Variants in FKBP1B observed in about 807,000 individuals in gnomAD.
The protein encoded by FKBP1B is FKBP prolyl isomerase 1B.
FKBP1B carries 4 observed loss-of-function variants against 13.5 expected under a neutral mutation model. The observed-to-expected ratio is 0.30, with a 90% CI of 0.15 to 0.68. The LOEUF is 0.68. FKBP1B is among the 30% of genes least tolerant of loss of function. The probability of loss-of-function intolerance (pLI) is 0.76; values close to 1 mark genes in which losing one functional copy is unlikely to be tolerated. For synonymous variants in FKBP1B, 54 were observed against 53.6 expected (o/e 1.01, Z -0.03); for missense variants, 93 against 136.2 (o/e 0.68, Z 1.58).
chr2:24,059,885 A>C (rs1360185167), intron 2 of FKBP1B, among the ~76,000 whole-genome samples: 2 of 125,238 alleles, frequency 1.6e-5, no homozygotes, highest in Non-Finnish European at 1.6e-5. Context: ...ACAGAGGGAG[A>C]CTCCGACTCA....
rs1664486758 is a variant in FKBP1B at position 24,063,317 on chromosome 2, A to G, written c.*125A>G. ...TGTGCTAACCTCACTGCCTCATGGC[A>G]TCATCCATTCTCTCTGCCCAAGTTG... On this transcript the variant is annotated 3_prime_UTR_variant, in exon 4 of 4. Transcript: ENST00000380986. 2 of 904,276 alleles carry G rather than the reference A, an allele frequency of 2.2e-6. No individual in the cohort carries two copies. Among genetic ancestry groups the G allele is most frequent in the Non-Finnish European group, 1.6e-6 (1 of 628,200 alleles). The allele number at this position is 904,276 out of a possible 1,614,324, so 56.0% of individuals were successfully genotyped here.
At chr2:24,051,971 C>T (rs546401555) in intron 1 of FKBP1B, among the ~76,000 whole-genome samples, 3 of 152,154 alleles carry the variant, frequency 2.0e-5, no homozygotes, top group Non-Finnish European at 4.4e-5. Flanking sequence ...GATTGCCACC[C>T]GCACAAATCT....
chr2:24,056,857 A>G (rs562014919), intron 2 of FKBP1B, among the ~76,000 whole-genome samples: 1 of 151,752 alleles, frequency 6.6e-6, no homozygotes, highest in South Asian at 2.1e-4. Flanking sequence ...TGCCCGGCTA[A>G]TTTTGAGGTT....
the FKBP1B span, chr2:24,038,360 G>A: frequency 6.2e-7 from 1 of 1,614,154 alleles, no homozygotes; most frequent in Non-Finnish European, 8.5e-7. Context: ...AATCGAATTT[G>A]CTGGATGTTT....
chr2:24,035,339 A>G, the FKBP1B span, among the ~76,000 whole-genome samples: 1 of 130,488 alleles, frequency 7.7e-6, no homozygotes, highest in Non-Finnish European at 1.7e-5. Flanking sequence ...AAAAGGGGAA[A>G]TAAAAATACA....
In FKBP1B at chr2:24,054,968, C is replaced by A. The variant is rs79226700; in HGVS notation, c.85+1019C>A. Among the ~76,000 whole-genome samples, 965 of 152,170 alleles carry A rather than the reference C, an allele frequency of 6.3e-3. 6 individuals are homozygous for A. Among genetic ancestry groups the A allele is most frequent in the African/African-American group, 0.019 (784 of 41,498 alleles). ...AGAGACTATGTCTTATCAAACATAG[C>A]GGGAGACTATGGGACTTTTGGTAAA... is the stretch of plus-strand genomic sequence containing the variant. On this transcript the variant is annotated intron_variant, in intron 2 of 3. Coordinates refer to ENST00000380986, the MANE Select transcript of FKBP1B (RefSeq NM_004116.5).
the FKBP1B span, chr2:24,038,005 T>G: frequency 2.5e-6 from 4 of 1,614,098 alleles, no homozygotes; most frequent in African/African-American, 5.3e-5. Flanking sequence ...CTGGATTTCT[T>G]TAATAAGTGT....
chr2:24,044,094 C>T, the FKBP1B span, among the ~76,000 whole-genome samples: 2 of 152,092 alleles, frequency 1.3e-5, no homozygotes, highest in South Asian at 4.1e-4. Context: ...TAAATAATGC[C>T]ATGATACACT....
chr2:24,053,817 G>A, intron 1 of FKBP1B, 85 bp from the exon 2 acceptor site: 1 of 1,306,906 alleles, frequency 7.7e-7, no homozygotes, highest in South Asian at 1.2e-5. Flanking sequence ...AATGCAGGCT[G>A]GAGCTCTTGG....
upstream of FKBP1B, among the ~76,000 whole-genome samples, chr2:24,045,436 T>C (rs1215926788): frequency 1.3e-5 from 2 of 151,802 alleles, no homozygotes; most frequent in Admixed American, 1.3e-4. Context: ...ACCCTGTCTC[T>C]ACTAAAAATA....
the FKBP1B span, among the ~76,000 whole-genome samples, chr2:24,042,535 C>CAAAAAAA: frequency 3.2e-5 from 2 of 61,580 alleles, no homozygotes; most frequent in Non-Finnish European, 5.9e-5. Flanking sequence ...TACTCCGTCT[C>CAAAAAAA]AAAAAAAAAA....
the FKBP1B span, among the ~76,000 whole-genome samples, chr2:24,033,792 T>C: frequency 9.9e-5 from 15 of 151,552 alleles, no homozygotes; most frequent in Non-Finnish European, 1.8e-4. Context: ...GTCTAACTTA[T>C]TTTGTTGTTA....
At chr2:24,061,938 T>C (rs1007190666) in intron 3 of FKBP1B, among the ~76,000 whole-genome samples, 2 of 152,118 alleles carry the variant, frequency 1.3e-5, no homozygotes, top group African/African-American at 4.8e-5. Context: ...GGCGCAATCT[T>C]GGCTCACTGC....
the FKBP1B span, chr2:24,039,019 A>T: frequency 6.2e-7 from 1 of 1,614,176 alleles, no homozygotes; most frequent in South Asian, 1.1e-5. Flanking sequence ...TGCACAGTGA[A>T]TGCGGCCCTG....
the FKBP1B span, among the ~76,000 whole-genome samples, chr2:24,039,691 T>C: frequency 7.9e-5 from 12 of 152,346 alleles, no homozygotes; most frequent in East Asian, 2.1e-3. Context: ...GCAATGTATA[T>C]ACTTTGGATC....
the FKBP1B span, among the ~76,000 whole-genome samples, chr2:24,037,330 CT>C: frequency 6.6e-6 from 1 of 152,176 alleles, no homozygotes; most frequent in South Asian, 2.1e-4. Context: ...GCAACATAAC[CT>C]TTTTTATAAC....
rs116849902 is a variant in FKBP1B, at chr2:24,060,941, C to T, written c.198+15C>T. ...GTGCAGCCCAGGTAGGATGAGGATTCGCATTAAAGGGGATCTGGGGAGTTG... is the reference window on the plus strand; with the variant it reads ...GTGCAGCCCAGGTAGGATGAGGATTTGCATTAAAGGGGATCTGGGGAGTTG... On this transcript the variant is annotated intron_variant, in intron 3 of 3. Coordinates refer to ENST00000380986, the MANE Select transcript of FKBP1B (RefSeq NM_004116.5). 8.5e-4 allele frequency: 1,346 copies of T among 1,589,708 alleles called. 10 individuals carry two copies. The East Asian group carries it at 0.023, about 27-fold the overall frequency.
At chr2:24,060,066 C>T (rs1461175260) in intron 2 of FKBP1B, among the ~76,000 whole-genome samples, 1 of 151,788 alleles carries the variant, frequency 6.6e-6, no homozygotes, top group Non-Finnish European at 1.5e-5. Flanking sequence ...GGATTCTGCT[C>T]TGGGGAGCTA....
At chr2:24,054,080 C>A in intron 2 of FKBP1B, 131 bp downstream of exon 2, 1 of 842,310 alleles carries the variant, frequency 1.2e-6, no homozygotes, top group Non-Finnish European at 2.0e-6. Flanking sequence ...CTCCCTGTGA[C>A]CAGCCATCCT....
Sources: gnomAD v4.1 joint callset for allele counts (sites outside exome capture counted in the v4.1 genomes callset) on GRCh38, gnomAD v4.1.1 for gene constraint, MANE v1.5 for transcripts, NCBI Gene and HGNC (gene_info 2026-07-23, HGNC 2026-07-21) for gene names.